The following ATP8A2 variants were observed in gnomAD, a reference collection of about 807,000 sequenced individuals.
ATP8A2 encodes the protein ATPase phospholipid transporting 8A2.
Under a neutral mutation model 165.6 loss-of-function variants are expected in ATP8A2, and 100 were observed. That is an observed-to-expected ratio of 0.60 (90% confidence interval 0.51 to 0.71). ATP8A2 has a LOEUF of 0.71. Ranked by LOEUF, ATP8A2 falls within the 30% of genes least tolerant of loss-of-function variation. ATP8A2 has a pLI of 0.00. For synonymous variants in ATP8A2, 543 were observed against 548.8 expected (o/e 0.99, Z 0.15); for missense variants, 1,227 against 1,479.5 (o/e 0.83, Z 2.80).
rs908212838 is a variant in ATP8A2, at chr13:26,020,281, T to C, written c.*296T>C. The C allele has an allele frequency of 5.3e-6, 2 of 377,808 alleles. No homozygotes were observed. The highest frequency in any genetic ancestry group is 2.1e-5 in the African/African-American group (1 of 48,382). 23.4% of individuals were successfully genotyped at this position (377,808 alleles called of 1,614,324 possible). A position where few individuals can be genotyped will look rare whatever the true frequency, so the allele number is the denominator to read the frequency against. On this transcript the variant is annotated 3_prime_UTR_variant, in exon 37 of 37. Coordinates refer to ENST00000381655, the MANE Select transcript of ATP8A2 (RefSeq NM_016529.6). ...GAGGTGTGAAATTAAAAACATTATG[T>C]TTCACCAATATTTAAACATCAGTAC...
intron 4 of ATP8A2, among the ~76,000 whole-genome samples, chr13:25,531,178 T>TATATATGTTATATATGTTATATATG (rs2038029654): frequency 7.2e-6 from 1 of 138,686 alleles, no homozygotes; most frequent in Non-Finnish European, 1.5e-5. Flanking sequence ...TTATATGATA[T>TATATATGTTATATATGTTATATATG]ATATATGTTA....
At chr13:25,629,017 G>A (rs1250755901) in intron 24 of ATP8A2, among the ~76,000 whole-genome samples, 2 of 152,082 alleles carry the variant, frequency 1.3e-5, no homozygotes, top group African/African-American at 4.8e-5. Flanking sequence ...AGCATAATTG[G>A]TCACCTATGA....
intron 36 of ATP8A2, among the ~76,000 whole-genome samples, chr13:26,017,376 C>T (rs1475856595): frequency 6.6e-6 from 1 of 152,208 alleles, no homozygotes; most frequent in Non-Finnish European, 1.5e-5. Flanking sequence ...AGCCTTGTTA[C>T]TGGAGCAGAC....
At chr13:25,837,048 A>G in intron 28 of ATP8A2, 115 bp from the exon 29 acceptor site, 23 of 1,297,004 alleles carry the variant, frequency 1.8e-5, no homozygotes, top group East Asian at 2.3e-5. Flanking sequence ...TCTGTGAATC[A>G]TGGAGTCTCA....
chr13:25,826,450 T>C (rs529878491), intron 27 of ATP8A2, among the ~76,000 whole-genome samples: 82 of 152,192 alleles, frequency 5.4e-4, no homozygotes, highest in Non-Finnish European at 1.1e-3. Flanking sequence ...TGAGTACCTG[T>C]TTGTACCAAG....
At chr13:25,568,525 A>G (rs564066543) in intron 16 of ATP8A2, among the ~76,000 whole-genome samples, 1 of 152,326 alleles carries the variant, frequency 6.6e-6, no homozygotes, top group African/African-American at 2.4e-5. Context: ...AAAATATAGT[A>G]TCATCCTGTT....
At chr13:25,492,651 A>C (rs1169053937) in intron 2 of ATP8A2, among the ~76,000 whole-genome samples, 1 of 152,164 alleles carries the variant, frequency 6.6e-6, no homozygotes, top group East Asian at 1.9e-4. Context: ...ATAAGCCCTC[A>C]GTTTCCTACT....
At chr13:25,886,775 G>A (rs1953173093) in intron 33 of ATP8A2, among the ~76,000 whole-genome samples, 1 of 152,208 alleles carries the variant, frequency 6.6e-6, no homozygotes. Flanking sequence ...GAGCGCCAGA[G>A]ATTACTGCCA....
chr13:25,578,997 C>T, intron 21 of ATP8A2, 98 bp downstream of exon 21: 2 of 824,530 alleles, frequency 2.4e-6, no homozygotes, highest in Non-Finnish European at 4.2e-6. Flanking sequence ...GTGCCTGCCC[C>T]ATCCCCTCCT....
At position 25,941,492 on chromosome 13, in the gene ATP8A2, C is replaced by T. The variant is rs746104427; in HGVS notation, c.3184-20083C>T. Among the ~76,000 whole-genome samples the T allele has an allele frequency of 6.6e-5, 10 of 152,160 alleles. 1 individual carries two copies. Among genetic ancestry groups the T allele is most frequent in the Non-Finnish European group, 1.3e-4 (9 of 68,026 alleles). On this transcript the variant is annotated intron_variant, in intron 33 of 36. Transcript: ENST00000381655. ...CTGGCCGTCTTCTGGCTGCAATGCT[C>T]TTCTTACCTGCGCCGAAATGGATCC...
chr13:25,879,002 A>C (rs2138843304), intron 33 of ATP8A2, among the ~76,000 whole-genome samples: 2 of 152,280 alleles, frequency 1.3e-5, no homozygotes, highest in Middle Eastern at 3.4e-3. Flanking sequence ...GCAGATCACC[A>C]TGCGATTTGC....
chr13:25,399,792 T>A (rs945897305), intron 1 of ATP8A2, among the ~76,000 whole-genome samples: 1 of 150,780 alleles, frequency 6.6e-6, no homozygotes, highest in African/African-American at 2.4e-5. Flanking sequence ...TTCCTCCTCT[T>A]CTTCTTTCTT....
chr13:25,875,158 G>A (rs1043306012), intron 33 of ATP8A2, among the ~76,000 whole-genome samples: 8 of 152,010 alleles, frequency 5.3e-5, no homozygotes, highest in Admixed American at 3.3e-4. Context: ...ACATGAAAAC[G>A]TTTTAGAGAG....
chr13:25,958,780 A>G (rs921928902), intron 33 of ATP8A2, among the ~76,000 whole-genome samples: 1 of 152,232 alleles, frequency 6.6e-6, no homozygotes, highest in Non-Finnish European at 1.5e-5. Context: ...GCAACAGAAC[A>G]ATACTTTCAA....
At chr13:25,936,725 T>C (rs1954901326) in intron 33 of ATP8A2, among the ~76,000 whole-genome samples, 1 of 152,162 alleles carries the variant, frequency 6.6e-6, no homozygotes, top group Non-Finnish European at 1.5e-5. Flanking sequence ...AAAACTCTTT[T>C]AAGGTTGGGC....
At chr13:26,012,189 AG>A (rs1956863395) in intron 35 of ATP8A2, among the ~76,000 whole-genome samples, 1 of 152,212 alleles carries the variant, frequency 6.6e-6, no homozygotes, top group Admixed American at 6.5e-5. Flanking sequence ...GGCTGCAGGC[AG>A]GAGTGAGGCG....
intron 2 of ATP8A2, among the ~76,000 whole-genome samples, chr13:25,496,127 C>G (rs1362605533): frequency 7.2e-5 from 11 of 152,102 alleles, no homozygotes; most frequent in African/African-American, 2.2e-4. Flanking sequence ...TGTGGGCTTT[C>G]TTTGCTTGAC....
intron 35 of ATP8A2, among the ~76,000 whole-genome samples, chr13:25,987,967 A>T (rs1363884267): frequency 6.6e-6 from 1 of 152,238 alleles, no homozygotes; most frequent in Non-Finnish European, 1.5e-5. Context: ...GCTATGGGAT[A>T]GTTGATTTAC....
intron 19 of ATP8A2, 82 bp downstream of exon 19, chr13:25,574,939 G>A (rs1472591766): frequency 1.1e-5 from 8 of 749,824 alleles, no homozygotes; most frequent in African/African-American, 1.8e-5. Flanking sequence ...TGATTGTATG[G>A]TATGATTCAA....
Sources: allele counts gnomAD v4.1 joint callset (sites outside exome capture counted in the v4.1 genomes callset), GRCh38; gene constraint gnomAD v4.1.1; transcripts MANE v1.5; gene names NCBI Gene and HGNC (gene_info 2026-07-23, HGNC 2026-07-21).